SMARCA2: variants seen among roughly 807,000 people sequenced by gnomAD.
SMARCA2 encodes SWI/SNF-related matrix-associated actin-dependent regulator of chromatin subfamily A member 2.
SMARCA2 carries 61 observed loss-of-function variants against 199.8 expected under a neutral mutation model. The observed-to-expected ratio is 0.31, with a 90% CI of 0.25 to 0.38. SMARCA2 has a LOEUF of 0.38. Among genes scored for constraint, SMARCA2 ranks in the 10% least tolerant of loss-of-function variants. SMARCA2 has a pLI of 1.00. For synonymous variants in SMARCA2, 935 were observed against 732.0 expected (o/e 1.28, Z -4.48); for missense variants, 1,344 against 2,012.2 (o/e 0.67, Z 6.35).
intron 5 of SMARCA2, among the ~76,000 whole-genome samples, chr9:2,051,978 A>T (rs73379470): frequency 0.019 from 2,969 of 152,352 alleles, 103 homozygotes; most frequent in African/African-American, 0.067. Context: ...TGTCTGTTTC[A>T]TATAGTGAAA....
Position 2,184,353 on chromosome 9 carries a change from CT to C in SMARCA2, c.4462-1726del, listed in dbSNP as rs1199876121. On this transcript the variant is annotated intron_variant, in intron 31 of 33. Transcript: ENST00000349721. ...CATCTTGCAAAACATAGGATAATAT[CT>C]TTTTTTTTTTTTTTTTGAGATGGAG... 1.0e-3 allele frequency among the ~76,000 whole-genome samples: 129 copies of C among 129,372 alleles called. 1 individual carries two copies. Among genetic ancestry groups the C allele is most frequent in the Middle Eastern group, 4.1e-3 (1 of 244 alleles). 84.9% of individuals were successfully genotyped at this position (129,372 alleles called of 152,430 possible).
intron 10 of SMARCA2, among the ~76,000 whole-genome samples, chr9:2,071,772 AATG>A (rs754919336): frequency 7.2e-5 from 11 of 152,334 alleles, no homozygotes; most frequent in Non-Finnish European, 1.2e-4. Context: ...GCTGTATTAT[AATG>A]GTTCATGATA....
Position 2,054,365 on chromosome 9 carries a change from G to A in SMARCA2, c.1047-232G>A, listed in dbSNP as rs752154154. On this transcript the variant is annotated intron_variant, in intron 5 of 33. Transcript: ENST00000349721. ...CCTTCTTTCCCTAGTGTTAGATAGA[G>A]GTTATGGAGGAAGCCACATTGTTAA... 4.6e-5 allele frequency among the ~76,000 whole-genome samples: 7 copies of A among 152,306 alleles called. No homozygotes were observed. The East Asian group carries it at 1.3e-3, about 29-fold the overall frequency.
At position 2,039,875 on chromosome 9, in the gene SMARCA2, C is replaced by T. The variant is rs755849046; in HGVS notation, c.765C>T (p.Ala255=). 2 of 1,613,720 alleles carry T rather than the reference C, an allele frequency of 1.2e-6. No individual in the cohort carries two copies. Among genetic ancestry groups the T allele is most frequent in the African/African-American group, 1.3e-5 (1 of 74,886 alleles). The part of the protein sequence containing the change: ...QPQTQQQQQP[A]LVNYNRPSGP... The stretch of plus-strand genomic sequence containing the variant: ...AGACGCAGCAACAACAGCAGCCGGC[C>T]CTTGTTAACTACAACAGACCATCTG... Residue 255 remains alanine (A), a synonymous_variant, in exon 4 of 34, where the codon GCC becomes GCT. Transcript: ENST00000349721. The surrounding 1 kb of genome is among the most constrained non-coding windows in gnomAD (Gnocchi z 4.8).
intron 27 of SMARCA2, among the ~76,000 whole-genome samples, chr9:2,140,594 G>A (rs1178331224): frequency 4.6e-5 from 7 of 152,128 alleles, no homozygotes; most frequent in Non-Finnish European, 8.8e-5. Context: ...AATTTATTTG[G>A]AACCAGTTCC....
At position 2,170,466 on chromosome 9, in the gene SMARCA2, G is replaced by T; in HGVS notation, c.4247G>T (p.Gly1416Val). ...AGTAATTCTCAGTTGGAAATAGAAG[G>T]AAACAGGTCAGGATCTGTCTTGTAT... ...VPSNSQLEIEGNSSGRQLSEV... is the reference protein window; with the variant it reads ...VPSNSQLEIEVNSSGRQLSEV... The change falls in exon 29 of 34, where the codon GGA (glycine) becomes GTA (valine). Residue 1416 changes from glycine (G) to valine (V), a missense_variant. By Grantham distance (109) the Gly-to-Val change is moderately radical. Coordinates refer to ENST00000349721, the MANE Select transcript of SMARCA2 (RefSeq NM_003070.5). The surrounding 1 kb of genome is among the most constrained non-coding windows in gnomAD (Gnocchi z 4.7). 6.2e-7 allele frequency: 1 copy of T among 1,614,096 alleles called. No individual in the cohort carries two copies. The highest frequency in any genetic ancestry group is 8.5e-7 in the Non-Finnish European group (1 of 1,179,980).
At chr9:2,029,611 A>G (rs757284651) in intron 2 of SMARCA2, among the ~76,000 whole-genome samples, 3 of 152,204 alleles carry the variant, frequency 2.0e-5, no homozygotes, top group African/African-American at 7.2e-5. Context: ...GAACATACTG[A>G]AAATTATTCT....
At chr9:2,062,857 G>C (rs1820664878) in intron 9 of SMARCA2, among the ~76,000 whole-genome samples, 1 of 152,188 alleles carries the variant, frequency 6.6e-6, no homozygotes, top group Non-Finnish European at 1.5e-5. Context: ...AGGCTAGACA[G>C]ATATTAATCC....
intron 19 of SMARCA2, among the ~76,000 whole-genome samples, chr9:2,095,241 A>G (rs868302242): frequency 4.3e-4 from 65 of 151,980 alleles, no homozygotes; most frequent in Admixed American, 5.2e-4. Context: ...ACACACCACC[A>G]TGCCTGGCTA....
At chr9:2,117,885 GA>G (rs1371326354) in intron 25 of SMARCA2, among the ~76,000 whole-genome samples, 3 of 152,216 alleles carry the variant, frequency 2.0e-5, no homozygotes, top group African/African-American at 7.2e-5. Flanking sequence ...AAAGATGTTT[GA>G]AAACACTGAG....
intron 5 of SMARCA2, 98 bp from the exon 6 acceptor site, chr9:2,054,499 C>A: frequency 1.4e-6 from 2 of 1,404,234 alleles, no homozygotes; most frequent in Non-Finnish European, 9.8e-7. Context: ...ATATGTTTTG[C>A]CCCGGACTTA....
At chr9:2,077,037 C>A (rs11792177) in intron 13 of SMARCA2, among the ~76,000 whole-genome samples, 7 of 152,082 alleles carry the variant, frequency 4.6e-5, no homozygotes, top group African/African-American at 1.4e-4. Flanking sequence ...ACCCTTCCTC[C>A]TAGCAGTCTG....
chr9:2,091,283 G>A (rs1011023541), intron 19 of SMARCA2, among the ~76,000 whole-genome samples: 9 of 152,064 alleles, frequency 5.9e-5, no homozygotes, highest in African/African-American at 1.7e-4. Flanking sequence ...CCCTCGGCTC[G>A]TAGCCTCATG....
At chr9:2,068,953 G>C (rs932525000) in intron 9 of SMARCA2, 1 of 150,908 alleles carries the variant, frequency 6.6e-6, no homozygotes, top group Non-Finnish European at 1.5e-5. Context: ...GTCTCTCTCT[G>C]TCACCCAGGC....
chr9:2,082,063 C>G (rs539034381), intron 15 of SMARCA2, 68 bp downstream of exon 15: 21 of 1,332,444 alleles, frequency 1.6e-5, no homozygotes, highest in East Asian at 2.4e-5. Context: ...AGTAGCTTGT[C>G]CTTGTTTTTT....
At chr9:2,155,425 G>A (rs948019878) in intron 27 of SMARCA2, among the ~76,000 whole-genome samples, 14 of 152,066 alleles carry the variant, frequency 9.2e-5, no homozygotes, top group African/African-American at 3.1e-4. Context: ...TGGGACTACA[G>A]GCACGTGCCA....
At chr9:2,183,805 A>G (rs1475856494) in intron 31 of SMARCA2, among the ~76,000 whole-genome samples, 1 of 152,236 alleles carries the variant, frequency 6.6e-6, no homozygotes, top group African/African-American at 2.4e-5. Context: ...AAAGTAGAAG[A>G]ATCAACAAAG....
At chr9:2,186,278 A>AT in intron 32 of SMARCA2, 50 bp downstream of exon 32, 1 of 1,563,568 alleles carries the variant, frequency 6.4e-7, no homozygotes, top group South Asian at 1.2e-5. Flanking sequence ...CCTCACCTGC[A>AT]TAGCTGTCTC....
chr9:2,173,063 TGAGGAG>T (rs754641919), intron 29 of SMARCA2, among the ~76,000 whole-genome samples: 2 of 152,012 alleles, frequency 1.3e-5, no homozygotes, highest in Non-Finnish European at 2.9e-5. Context: ...TCTGGATGTG[TGAGGAG>T]GAGGAGGAAG....
Sources: allele counts gnomAD v4.1 joint callset (sites outside exome capture counted in the v4.1 genomes callset), GRCh38; gene constraint gnomAD v4.1.1; non-coding constraint Gnocchi (gnomAD v3.1); transcripts MANE v1.5; gene names NCBI Gene and HGNC (gene_info 2026-07-23, HGNC 2026-07-21).